Variants in MAP1B observed in about 807,000 individuals in gnomAD.
MAP1B encodes microtubule-associated protein 1B.
A neutral mutation model predicts 176.1 loss-of-function variants in MAP1B; 12 were observed. That is an observed-to-expected ratio of 0.07 (90% CI 0.04 to 0.11). The LOEUF (loss-of-function observed/expected upper bound fraction) is 0.11, where lower values mean the gene tolerates loss of function less well. Ranked by LOEUF, MAP1B falls within the 10% of genes least tolerant of loss-of-function variation. MAP1B has a pLI of 1.00. For synonymous variants in MAP1B, 1,044 were observed against 1,135.0 expected (o/e 0.92, Z 1.61); for missense variants, 2,523 against 2,990.5 (o/e 0.84, Z 3.65).
At chr5:72,170,837 G>A (rs186435669) in intron 2 of MAP1B, among the ~76,000 whole-genome samples, 101 of 150,824 alleles carry the variant, frequency 6.7e-4, no homozygotes, top group Non-Finnish European at 1.3e-3. Context: ...ATCCCAGCTA[G>A]TCGGGAGGCT....
chr5:72,120,867 A>G (rs1041739274), intron 2 of MAP1B, among the ~76,000 whole-genome samples: 19 of 152,156 alleles, frequency 1.2e-4, no homozygotes, highest in Non-Finnish European at 2.6e-4. Flanking sequence ...GGTGATTGTT[A>G]TTATCCGTGG....
At chr5:72,178,279 A>G (rs1335652521) in intron 2 of MAP1B, among the ~76,000 whole-genome samples, 1 of 152,272 alleles carries the variant, frequency 6.6e-6, no homozygotes, top group East Asian at 1.9e-4. Context: ...CTGGGATTAC[A>G]GGCATGAGCC....
intron 1 of MAP1B, among the ~76,000 whole-genome samples, chr5:72,109,922 A>G (rs1024598355): frequency 3.9e-5 from 6 of 152,200 alleles, no homozygotes; most frequent in Admixed American, 3.3e-4. Flanking sequence ...TCAGCGCCCT[A>G]TTCCTCAGAG....
intron 4 of MAP1B, among the ~76,000 whole-genome samples, chr5:72,190,634 C>T (rs547721880): frequency 2.4e-4 from 37 of 152,320 alleles, no homozygotes; most frequent in African/African-American, 5.1e-4. Context: ...TGCATGCCTT[C>T]GCCATTTTTA....
intron 2 of MAP1B, among the ~76,000 whole-genome samples, chr5:72,161,391 C>T (rs1746322531): frequency 6.6e-6 from 1 of 152,198 alleles, no homozygotes; most frequent in Non-Finnish European, 1.5e-5. Context: ...TATTGTGGCT[C>T]ATATGAATAA....
intron 2 of MAP1B, among the ~76,000 whole-genome samples, chr5:72,165,541 C>T (rs1348241718): frequency 6.6e-6 from 1 of 152,058 alleles, no homozygotes; most frequent in East Asian, 1.9e-4. Flanking sequence ...CCAAGAACAA[C>T]CAACAGTCCT....
intron 2 of MAP1B, among the ~76,000 whole-genome samples, chr5:72,144,304 G>C (rs539656274): frequency 8.5e-5 from 13 of 152,300 alleles, no homozygotes; most frequent in Admixed American, 8.5e-4. Flanking sequence ...GTCTTCCGTC[G>C]TATAAAGTCT....
rs866343403 is a variant in MAP1B at position 72,203,565 on chromosome 5, C to T, written c.7015C>T (p.Pro2339Ser). 6.2e-7 allele frequency: 1 copy of T among 1,612,292 alleles called. No homozygotes were observed. Among genetic ancestry groups the T allele is most frequent in the Non-Finnish European group, 8.5e-7 (1 of 1,178,382 alleles). ...TTGTCTTTGTTTATTTACCCAAGGA[C>T]CAGGAACTACCAAGACGACCAAGTC... ...SKSAKTATAG[P>S]GTTKTTKSSA... The change falls in exon 6 of 7, where the codon CCA becomes TCA. Residue 2339 changes from proline to serine, a missense_variant and splice_region_variant. Coordinates refer to ENST00000296755, the MANE Select transcript of MAP1B (RefSeq NM_005909.5).
chr5:72,162,192 G>A (rs1001888075), intron 2 of MAP1B, among the ~76,000 whole-genome samples: 6 of 152,188 alleles, frequency 3.9e-5, no homozygotes, highest in African/African-American at 1.4e-4. Flanking sequence ...CATGCCACTA[G>A]CAAAGTGGGT....
intron 2 of MAP1B, among the ~76,000 whole-genome samples, chr5:72,133,432 G>C (rs1745774216): frequency 6.6e-6 from 1 of 152,186 alleles, no homozygotes; most frequent in South Asian, 2.1e-4. Context: ...TGCATCCTAG[G>C]ATTAGGGGCA....
chr5:72,170,992 C>T (rs1746525521), intron 2 of MAP1B, among the ~76,000 whole-genome samples: 2 of 152,004 alleles, frequency 1.3e-5, no homozygotes, highest in Non-Finnish European at 2.9e-5. Flanking sequence ...ATATATAGGG[C>T]TAGAATATCT....
rs1028228901 is a variant in MAP1B, at chr5:72,184,227, A to G, written c.369+402A>G. ...AATGGCATCTCAAGAATGGCATCTC[A>G]ATGCAAGCCCCATTCAGAGCTCTCC... is the stretch of plus-strand genomic sequence containing the variant. On this transcript the variant is annotated intron_variant, in intron 3 of 6. Transcript: ENST00000296755. Among the ~76,000 whole-genome samples, 4 of 152,198 alleles carry G rather than the reference A, an allele frequency of 2.6e-5. No homozygotes were observed. The South Asian group carries it at 6.2e-4, about 24-fold the overall frequency.
rs774582622 is a variant in MAP1B at position 72,204,822 on chromosome 5, C to T, written c.7252-262C>T. On this transcript the variant is annotated intron_variant, in intron 6 of 6. Coordinates refer to ENST00000296755, the MANE Select transcript of MAP1B (RefSeq NM_005909.5). The surrounding 1 kb of genome is among the most constrained non-coding windows in gnomAD (Gnocchi z 4.4). Reference sequence around the variant, plus strand: ...ACCCTAACGGAAGCACTTCTCTTAACAGTAAAGAACTGAGAAACTGATTAA... The same window carrying T: ...ACCCTAACGGAAGCACTTCTCTTAATAGTAAAGAACTGAGAAACTGATTAA... Among the ~76,000 whole-genome samples the T allele has an allele frequency of 2.6e-5, 4 of 152,210 alleles. No homozygotes were observed. Among genetic ancestry groups the T allele is most frequent in the African/African-American group, 4.8e-5 (2 of 41,448 alleles).
chr5:72,199,659 A>G lies in MAP1B; in HGVS notation c.6304A>G (p.Ile2102Val). 1 of 1,614,168 alleles carries G rather than the reference A, an allele frequency of 6.2e-7. No homozygotes were observed. The highest frequency in any genetic ancestry group is 8.5e-7 in the Non-Finnish European group (1 of 1,180,042). Residue 2102 changes from isoleucine to valine, a missense_variant, in exon 5 of 7, where the codon ATT becomes GTT. By Grantham distance (29) the Ile-to-Val change is conservative. Transcript: ENST00000296755. This position sits in a 1 kb window ranked among gnomAD's most constrained non-coding sequence, Gnocchi z 4.2. ...HPKTELSPSF[I>V]NPNPLEWFAS... Reference sequence around the variant, plus strand: ...CAAGACAGAGCTTTCACCCTCTTTCATTAATCCCAATCCTCTTGAGTGGTT... The same window carrying G: ...CAAGACAGAGCTTTCACCCTCTTTCGTTAATCCCAATCCTCTTGAGTGGTT...
intron 2 of MAP1B, among the ~76,000 whole-genome samples, chr5:72,122,940 G>C (rs1039355833): frequency 5.9e-5 from 9 of 152,132 alleles, no homozygotes; most frequent in Middle Eastern, 3.2e-3. Context: ...ATTTTTGTTA[G>C]TAGAGTTTTT....
At chr5:72,191,929 C>T (rs1580016811) in intron 4 of MAP1B, among the ~76,000 whole-genome samples, 1 of 152,172 alleles carries the variant, frequency 6.6e-6, no homozygotes, top group African/African-American at 2.4e-5. Flanking sequence ...AGTCTTTCTA[C>T]CTTCTGCTTC....
intron 2 of MAP1B, chr5:72,169,481 T>C (rs1439572912): frequency 6.5e-6 from 1 of 153,352 alleles, no homozygotes; most frequent in African/African-American, 2.4e-5. Context: ...GGATTTAACA[T>C]AATAGTGTGG....
At chr5:72,145,462 G>A (rs1361331566) in intron 2 of MAP1B, among the ~76,000 whole-genome samples, 1 of 152,066 alleles carries the variant, frequency 6.6e-6, no homozygotes, top group Non-Finnish European at 1.5e-5. Context: ...ATGGATGGTG[G>A]TCTTAAAAGC....
chr5:72,152,332 G>C (rs1746155764), intron 2 of MAP1B, among the ~76,000 whole-genome samples: 1 of 152,130 alleles, frequency 6.6e-6, no homozygotes, highest in Non-Finnish European at 1.5e-5. Context: ...GCAAAACCTG[G>C]GGTCGGACCC....
Sources: gnomAD v4.1 joint callset for allele counts (sites outside exome capture counted in the v4.1 genomes callset) on GRCh38, gnomAD v4.1.1 for gene constraint, Gnocchi (gnomAD v3.1) non-coding constraint, MANE v1.5 for transcripts, NCBI Gene and HGNC (gene_info 2026-07-23, HGNC 2026-07-21) for gene names.